The following RBFOX1 variants were observed in gnomAD, a reference collection of about 807,000 sequenced individuals.
RBFOX1 encodes RNA binding protein fox-1 homolog 1.
Under a neutral mutation model 57.7 loss-of-function variants are expected in RBFOX1, and 8 were observed. The observed-to-expected ratio is 0.14, with a 90% CI of 0.08 to 0.25. The LOEUF is 0.25. Ranked by LOEUF, RBFOX1 falls within the 10% of genes least tolerant of loss-of-function variation. The probability of loss-of-function intolerance (pLI) is 1.00; values close to 1 mark genes in which losing one functional copy is unlikely to be tolerated. For missense variants in RBFOX1, 611 were observed against 548.5 expected (o/e 1.11, Z -1.14); for synonymous variants, 326 against 222.4 (o/e 1.47, Z -4.15).
chr16:5,764,397 G>A (rs539703050), intron 3 of RBFOX1, among the ~76,000 whole-genome samples: 1 of 152,206 alleles, frequency 6.6e-6, no homozygotes, highest in Non-Finnish European at 1.5e-5. Context: ...CCAGCCTCTT[G>A]TAAAGCCTGC....
intron 1 of RBFOX1, among the ~76,000 whole-genome samples, chr16:6,269,251 C>A (rs1364004420): frequency 1.3e-5 from 2 of 151,986 alleles, no homozygotes; most frequent in Non-Finnish European, 2.9e-5. Context: ...GTTATACTGT[C>A]ATTTAATTTG....
At chr16:6,790,658 C>G (rs190238091) in intron 3 of RBFOX1, among the ~76,000 whole-genome samples, 1 of 152,200 alleles carries the variant, frequency 6.6e-6, no homozygotes, top group East Asian at 1.9e-4. Flanking sequence ...CCTGTTCTGT[C>G]TGTCATTATT....
chr16:7,064,670 A>C (rs1215220562), intron 4 of RBFOX1, among the ~76,000 whole-genome samples: 2 of 152,138 alleles, frequency 1.3e-5, no homozygotes, highest in Non-Finnish European at 1.5e-5. Flanking sequence ...TCCCTGGTCC[A>C]CGGTACTTTG....
intron 11 of RBFOX1, among the ~76,000 whole-genome samples, chr16:7,641,479 C>A (rs1183280975): frequency 6.6e-6 from 1 of 152,224 alleles, no homozygotes; most frequent in African/African-American, 2.4e-5. Flanking sequence ...GAACCAAACA[C>A]CACACCACAT....
chr16:6,538,223 G>C (rs2096761836), intron 2 of RBFOX1, among the ~76,000 whole-genome samples: 1 of 152,154 alleles, frequency 6.6e-6, no homozygotes, highest in African/African-American at 2.4e-5. Context: ...AGGCATGGAG[G>C]CTCATACCTG....
At chr16:6,211,093 G>C (rs529796269) in intron 1 of RBFOX1, among the ~76,000 whole-genome samples, 1 of 147,116 alleles carries the variant, frequency 6.8e-6, no homozygotes, top group South Asian at 2.2e-4. Flanking sequence ...AAAGATCTTA[G>C]ACCCTTACTC....
intron 3 of RBFOX1, among the ~76,000 whole-genome samples, chr16:6,752,396 C>G (rs2075091578): frequency 6.6e-6 from 1 of 152,062 alleles, no homozygotes. Flanking sequence ...GAGAATGAAG[C>G]AAGAAATTGG....
At position 6,142,468 on chromosome 16, in the gene RBFOX1, G is replaced by T. The variant is rs147464067; in HGVS notation, c.-127+122476G>T. Among the ~76,000 whole-genome samples, 4 of 151,874 alleles carry T rather than the reference G, an allele frequency of 2.6e-5. No homozygotes were observed. In the South Asian group the frequency reaches 6.2e-4, roughly 24 times the overall value. ...GATCTCCTGACCTTGTGATTCGCCC[G>T]CCTCGGCCTCCCAAAGCGCTGGGAT... On this transcript the variant is annotated intron_variant, in intron 1 of 15. Transcript: ENST00000550418.
intron 3 of RBFOX1, among the ~76,000 whole-genome samples, chr16:7,002,220 T>A (rs2092881213): frequency 6.6e-6 from 1 of 152,198 alleles, no homozygotes; most frequent in Non-Finnish European, 1.5e-5. Context: ...ATCTTGATGC[T>A]GTCACTTGAG....
intron 2 of RBFOX1, among the ~76,000 whole-genome samples, chr16:5,575,251 A>G (rs930290411): frequency 2.6e-5 from 4 of 152,210 alleles, no homozygotes; most frequent in African/African-American, 9.6e-5. Context: ...TAAGGAATGG[A>G]TGAAGTTAAA....
At chr16:6,027,970 T>C (rs895955959) in intron 1 of RBFOX1, among the ~76,000 whole-genome samples, 14 of 152,126 alleles carry the variant, frequency 9.2e-5, no homozygotes, top group African/African-American at 3.4e-4. Flanking sequence ...GAAACACTAA[T>C]TTATTAGACT....
chr16:5,778,891 A>C (rs2054236142), intron 3 of RBFOX1, among the ~76,000 whole-genome samples: 1 of 152,310 alleles, frequency 6.6e-6, no homozygotes, highest in South Asian at 2.1e-4. Flanking sequence ...GATTCCTGTA[A>C]AAGTAAAACG....
At chr16:6,418,101 G>C (rs1402046664) in intron 2 of RBFOX1, among the ~76,000 whole-genome samples, 1 of 152,140 alleles carries the variant, frequency 6.6e-6, no homozygotes, top group African/African-American at 2.4e-5. Flanking sequence ...AAGTACGAAT[G>C]GTAAGTAACA....
At position 7,338,893 on chromosome 16, in the gene RBFOX1, T is replaced by G. The variant is rs538260711; in HGVS notation, c.28-179254T>G. On this transcript the variant is annotated intron_variant, in intron 4 of 15. Coordinates refer to ENST00000550418, the MANE Select transcript of RBFOX1 (RefSeq NM_018723.4). The stretch of plus-strand genomic sequence containing the variant: ...GATATTGCTGCCCTGCGATTTTATC[T>G]CCATGTTTGGAATGTCTGTTGATTG... Among the ~76,000 whole-genome samples the G allele has an allele frequency of 5.3e-5, 8 of 152,310 alleles. No individual in the cohort carries two copies. In the South Asian group the frequency reaches 1.7e-3, roughly 32 times the overall value.
At chr16:6,577,776 C>G (rs2097462973) in intron 2 of RBFOX1, among the ~76,000 whole-genome samples, 1 of 152,210 alleles carries the variant, frequency 6.6e-6, no homozygotes, top group Admixed American at 6.5e-5. Context: ...CAGAACCAGT[C>G]ACATGGCCTC....
chr16:5,681,980 C>G (rs1004837902), intron 3 of RBFOX1, among the ~76,000 whole-genome samples: 4 of 152,108 alleles, frequency 2.6e-5, no homozygotes, highest in Non-Finnish European at 4.4e-5. Context: ...AGTAACACAT[C>G]TCCCCCTTGT....
At chr16:6,992,951 T>C (rs1012004726) in intron 3 of RBFOX1, among the ~76,000 whole-genome samples, 11 of 152,140 alleles carry the variant, frequency 7.2e-5, no homozygotes, top group African/African-American at 1.2e-4. Flanking sequence ...GCAGACTCCT[T>C]CTTCCCAATT....
chr16:5,288,950 C>A (rs1240400805), intron 1 of RBFOX1, among the ~76,000 whole-genome samples: 3 of 151,968 alleles, frequency 2.0e-5, no homozygotes, highest in African/African-American at 7.3e-5. Context: ...CATGGTGAAA[C>A]CCTGTCTATA....
Position 6,841,497 on chromosome 16 carries a change from G to A in RBFOX1, c.-16+186847G>A, listed in dbSNP as rs12931643. 1.3e-5 allele frequency among the ~76,000 whole-genome samples: 2 copies of A among 151,892 alleles called. 1 individual carries two copies. Among genetic ancestry groups the A allele is most frequent in the South Asian group, 4.2e-4 (2 of 4,814 alleles). ...AGTGGAAGGGGAGAGTCATTAATGC[G>A]GTAGATCTGGATGATTTTCTGAACA... On this transcript the variant is annotated intron_variant, in intron 3 of 15. Coordinates refer to ENST00000550418, the MANE Select transcript of RBFOX1 (RefSeq NM_018723.4).
Sources: gnomAD v4.1 joint callset for allele counts (sites outside exome capture counted in the v4.1 genomes callset) on GRCh38, gnomAD v4.1.1 for gene constraint, MANE v1.5 for transcripts, NCBI Gene and HGNC (gene_info 2026-07-23, HGNC 2026-07-21) for gene names.